Variants in SORCS3 observed in about 807,000 individuals in gnomAD.
SORCS3 encodes VPS10 domain-containing receptor SorCS3.
SORCS3 carries 57 observed loss-of-function variants against 146.3 expected under a neutral mutation model. The ratio of observed to expected loss-of-function variants is 0.39; its 90% CI spans 0.31 to 0.49. The LOEUF is 0.49. Ranked by LOEUF, SORCS3 falls within the 20% of genes least tolerant of loss-of-function variation. SORCS3 has a pLI of 0.92. For synonymous variants in SORCS3, 653 were observed against 618.5 expected (o/e 1.06, Z -0.83); for missense variants, 1,341 against 1,575.5 (o/e 0.85, Z 2.52).
chr10:105,097,609 G>A (rs1026737961), intron 6 of SORCS3, among the ~76,000 whole-genome samples: 6 of 152,198 alleles, frequency 3.9e-5, no homozygotes, highest in African/African-American at 7.2e-5. Flanking sequence ...CTCATCTGGT[G>A]TTTTACCTAT....
chr10:105,195,265 G>A (rs894979340), intron 14 of SORCS3, among the ~76,000 whole-genome samples: 1 of 152,120 alleles, frequency 6.6e-6, no homozygotes. Context: ...ATTTCTGGCA[G>A]ATGAGAAACT....
intron 3 of SORCS3, among the ~76,000 whole-genome samples, chr10:104,958,367 C>G (rs754832022): frequency 3.9e-5 from 6 of 152,138 alleles, no homozygotes; most frequent in Admixed American, 6.6e-5. Context: ...AGAATAACCA[C>G]CTCCCTGCAA....
At chr10:104,746,477 C>A (rs942024207) in intron 1 of SORCS3, among the ~76,000 whole-genome samples, 3 of 152,220 alleles carry the variant, frequency 2.0e-5, no homozygotes, top group African/African-American at 7.2e-5. Flanking sequence ...GGCTAATGAA[C>A]AAATCCATCA....
intron 5 of SORCS3, among the ~76,000 whole-genome samples, chr10:105,046,087 C>T (rs972283660): frequency 6.6e-6 from 1 of 151,942 alleles, no homozygotes; most frequent in South Asian, 2.1e-4. Context: ...AAAATGATTT[C>T]TTTGGGAGAG....
At chr10:104,770,365 G>T (rs2017234110) in intron 1 of SORCS3, among the ~76,000 whole-genome samples, 1 of 152,148 alleles carries the variant, frequency 6.6e-6, no homozygotes, top group Non-Finnish European at 1.5e-5. Flanking sequence ...AGTGGAAAAG[G>T]GGACTCCTAT....
chr10:105,175,812 G>A (rs1223718773), intron 13 of SORCS3, among the ~76,000 whole-genome samples: 2 of 152,124 alleles, frequency 1.3e-5, no homozygotes, highest in Admixed American at 6.5e-5. Context: ...GATGTTTATG[G>A]CAGACTGTCT....
rs749425899 is a variant in SORCS3, at chr10:104,915,920, C to T, written c.783C>T (p.Thr261=). Residue 261 remains threonine, a synonymous_variant, in exon 3 of 27, where the codon ACC becomes ACT. Coordinates refer to ENST00000369701, the MANE Select transcript of SORCS3 (RefSeq NM_014978.3). ...TVLSYLYVNP[T]NKRKIMLLSD... is the part of the protein sequence containing the mutation. ...TCAGTTACCTCTATGTCAATCCAAC[C>T]AACAAAAGGAAGGTAAGAGACTGGG... 5.6e-6 allele frequency: 9 copies of T among 1,613,716 alleles called. No individual in the cohort carries two copies. In the South Asian group the frequency reaches 6.6e-5, roughly 12 times the overall value.
chr10:104,658,728 C>CATGATG (rs560678793), intron 1 of SORCS3, among the ~76,000 whole-genome samples: 5 of 151,948 alleles, frequency 3.3e-5, no homozygotes, highest in Admixed American at 2.6e-4. Flanking sequence ...GATTATTGTG[C>CATGATG]ATGATGATGA....
chr10:105,217,909 T>A (rs2056675123), intron 19 of SORCS3: 1 of 454,108 alleles, frequency 2.2e-6, no homozygotes, highest in African/African-American at 2.0e-5. Context: ...ATCAGTGATA[T>A]TCGTGGGTCT....
At chr10:104,929,060 T>C (rs1242086543) in intron 3 of SORCS3, among the ~76,000 whole-genome samples, 2 of 152,210 alleles carry the variant, frequency 1.3e-5, no homozygotes, top group East Asian at 3.9e-4. Flanking sequence ...TAATTATTCC[T>C]GGTTTCCCCC....
At chr10:104,873,025 C>G (rs1394875429) in intron 2 of SORCS3, among the ~76,000 whole-genome samples, 2 of 152,156 alleles carry the variant, frequency 1.3e-5, no homozygotes, top group African/African-American at 2.4e-5. Context: ...TGAGTAAGCT[C>G]CCACACAGTA....
At chr10:105,034,134 A>G (rs2055289315) in intron 4 of SORCS3, among the ~76,000 whole-genome samples, 1 of 152,148 alleles carries the variant, frequency 6.6e-6, no homozygotes, top group Non-Finnish European at 1.5e-5. Flanking sequence ...GTTGTGGAAT[A>G]AGAGAACGGA....
chr10:104,784,299 A>G (rs972648622), intron 1 of SORCS3, among the ~76,000 whole-genome samples: 15 of 152,134 alleles, frequency 9.9e-5, no homozygotes, highest in African/African-American at 3.6e-4. Flanking sequence ...TGCTCCTGGT[A>G]TCTAGTGAGT....
At chr10:104,940,274 G>T in intron 3 of SORCS3, among the ~76,000 whole-genome samples, 1 of 118,314 alleles carries the variant, frequency 8.5e-6, no homozygotes, top group Non-Finnish European at 1.8e-5. Flanking sequence ...TTAAGTTCTA[G>T]GGTACATGTG....
intron 7 of SORCS3, among the ~76,000 whole-genome samples, chr10:105,106,894 A>G (rs1189841619): frequency 6.6e-6 from 1 of 152,200 alleles, no homozygotes; most frequent in Admixed American, 6.6e-5. Context: ...TGCAAAATAC[A>G]TAGCACCAGT....
intron 13 of SORCS3, among the ~76,000 whole-genome samples, chr10:105,175,975 A>G (rs537337331): frequency 6.8e-4 from 104 of 152,248 alleles, no homozygotes; most frequent in Non-Finnish European, 6.8e-4. Flanking sequence ...AAATAGAGAG[A>G]GACAGAGAGA....
At chr10:105,095,055 A>G (rs2055736270) in intron 6 of SORCS3, among the ~76,000 whole-genome samples, 1 of 152,146 alleles carries the variant, frequency 6.6e-6, no homozygotes, top group Admixed American at 6.5e-5. Context: ...GCAGTCTCAC[A>G]TATGGATGGT....
intron 5 of SORCS3, among the ~76,000 whole-genome samples, chr10:105,076,716 C>T (rs753512043): frequency 3.3e-5 from 5 of 152,230 alleles, no homozygotes; most frequent in African/African-American, 4.8e-5. Flanking sequence ...GGCTGTAACT[C>T]ACACATATGC....
At chr10:104,957,621 TG>T (rs1346417768) in intron 3 of SORCS3, among the ~76,000 whole-genome samples, 1 of 151,956 alleles carries the variant, frequency 6.6e-6, no homozygotes, top group African/African-American at 2.4e-5. Context: ...CCATCACATT[TG>T]GGCTCCTCTG....
Sources: allele counts gnomAD v4.1 joint callset (sites outside exome capture counted in the v4.1 genomes callset), GRCh38; gene constraint gnomAD v4.1.1; transcripts MANE v1.5; gene names NCBI Gene and HGNC (gene_info 2026-07-23, HGNC 2026-07-21).